The following ERCC6 variants were observed in gnomAD, a reference collection of about 807,000 sequenced individuals.
The protein encoded by ERCC6 is ERCC excision repair 6, chromatin remodeling factor, also known as DNA excision repair protein ERCC-6.
Under a neutral mutation model 158.7 loss-of-function variants are expected in ERCC6, and 116 were observed. The ratio of observed to expected loss-of-function variants is 0.73; its 90% confidence interval spans 0.63 to 0.85. ERCC6 has a LOEUF of 0.85. Ranked by LOEUF, ERCC6 falls within the 40% of genes least tolerant of loss-of-function variation. The pLI is 0.00. For missense variants in ERCC6, 1,698 were observed against 1,799.4 expected (o/e 0.94, Z 1.02); for synonymous variants, 678 against 659.3 (o/e 1.03, Z -0.43).
At chr10:49,498,809 A>C (rs1851308262) in intron 7 of ERCC6, among the ~76,000 whole-genome samples, 1 of 152,190 alleles carries the variant, frequency 6.6e-6, no homozygotes, top group African/African-American at 2.4e-5. Context: ...CTAGGACCTG[A>C]GCACTGGACT....
chr10:49,512,496 T>C (rs559355716), intron 5 of ERCC6, among the ~76,000 whole-genome samples: 2 of 152,360 alleles, frequency 1.3e-5, no homozygotes, highest in Non-Finnish European at 2.9e-5. Flanking sequence ...TTTTTATAGA[T>C]ATTTTATCAT....
At chr10:49,448,231 G>A in the ERCC6 span, among the ~76,000 whole-genome samples, 3 of 152,284 alleles carry the variant, frequency 2.0e-5, no homozygotes, top group African/African-American at 7.2e-5. Context: ...TTATAGTCAT[G>A]CTAGTGACTG....
intron 18 of ERCC6, among the ~76,000 whole-genome samples, chr10:49,463,154 G>A (rs908268598): frequency 2.6e-5 from 4 of 151,970 alleles, no homozygotes; most frequent in African/African-American, 9.7e-5. Flanking sequence ...AGACATCTTG[G>A]GGATGGGCCC....
Position 49,458,656 on chromosome 10 carries a change from G to A in ERCC6, c.*159C>T, listed in dbSNP as rs570875784. The A allele has an allele frequency of 1.7e-4, 122 of 708,940 alleles. No homozygotes were observed. The African/African-American group carries it at 1.8e-3, about 10-fold the overall frequency. 43.9% of individuals were successfully genotyped at this position (708,940 alleles called of 1,614,324 possible). A position where few individuals can be genotyped will look rare whatever the true frequency, so the allele number is the denominator to read the frequency against. On this transcript the variant is annotated 3_prime_UTR_variant, in exon 21 of 21. Coordinates refer to ENST00000355832, the MANE Select transcript of ERCC6 (RefSeq NM_000124.4). ...TAAAACTTTTAACTTTCAGAGAAGA[G>A]TTTCTTCTTCCTTAAAGTTTTAATT...
intron 18 of ERCC6, among the ~76,000 whole-genome samples, chr10:49,468,939 C>T (rs954882660): frequency 2.6e-5 from 4 of 151,704 alleles, no homozygotes; most frequent in Non-Finnish European, 5.9e-5. Flanking sequence ...AAATCTAAGA[C>T]AATACGAGCA....
intron 6 of ERCC6, chr10:49,503,298 G>A (rs1851385842): frequency 6.6e-6 from 1 of 152,106 alleles, no homozygotes; most frequent in Non-Finnish European, 1.5e-5. Context: ...AGCATACAAT[G>A]TGCTGGGTGT....
the ERCC6 span, among the ~76,000 whole-genome samples, chr10:49,447,118 G>A: frequency 6.6e-6 from 1 of 152,002 alleles, no homozygotes; most frequent in Non-Finnish European, 1.5e-5. Flanking sequence ...AAAAATTTAT[G>A]TGGAAAAAAG....
intron 5 of ERCC6, 45 bp from the exon 6 acceptor site, chr10:49,506,057 G>T: frequency 6.2e-7 from 1 of 1,607,944 alleles, no homozygotes; most frequent in Non-Finnish European, 8.5e-7. Context: ...TTGATCACAA[G>T]ACAGATTTAA....
At chr10:49,466,220 A>AG in intron 18 of ERCC6, among the ~76,000 whole-genome samples, 1 of 152,368 alleles carries the variant, frequency 6.6e-6, no homozygotes, top group Admixed American at 6.5e-5. Context: ...AAAGACAAAA[A>AG]GAAATAAAAA....
At chr10:49,520,858 C>T (rs1409630121) in intron 5 of ERCC6, among the ~76,000 whole-genome samples, 1 of 152,194 alleles carries the variant, frequency 6.6e-6, no homozygotes, top group Non-Finnish European at 1.5e-5. Context: ...AAATAATGTG[C>T]CTCCAAAGCA....
chr10:49,503,746 A>C (rs1851393488), intron 6 of ERCC6: 1 of 152,178 alleles, frequency 6.6e-6, no homozygotes, highest in Non-Finnish European at 1.5e-5. Flanking sequence ...CTAGTTTTCA[A>C]AATTTTTGAA....
At chr10:49,537,717 A>AT (rs1837635550) in intron 1 of ERCC6, among the ~76,000 whole-genome samples, 1 of 152,004 alleles carries the variant, frequency 6.6e-6, no homozygotes, top group African/African-American at 2.4e-5. Context: ...CAACGTGTGA[A>AT]ATTTTTTTTT....
intron 18 of ERCC6, 93 bp from the exon 19 acceptor site, chr10:49,461,649 AAAAC>A: frequency 8.0e-7 from 1 of 1,249,506 alleles, no homozygotes; most frequent in Non-Finnish European, 1.1e-6. Context: ...GTAGTAGACA[AAAAC>A]AAAGTGATAG....
chr10:49,520,385 G>A (rs889282390), intron 5 of ERCC6, among the ~76,000 whole-genome samples: 1 of 152,144 alleles, frequency 6.6e-6, no homozygotes, highest in Non-Finnish European at 1.5e-5. Flanking sequence ...AGTAACTGCC[G>A]ATACATGAAA....
intron 4 of ERCC6, among the ~76,000 whole-genome samples, chr10:49,526,117 T>TATATATATATATATA (rs1837326508): frequency 4.6e-5 from 2 of 43,606 alleles, no homozygotes; most frequent in Admixed American, 1.7e-4. Context: ...TTATATATTT[T>TATATATATATATATA]TATATATATA....
intron 7 of ERCC6, among the ~76,000 whole-genome samples, chr10:49,496,009 A>C (rs1026879651): frequency 2.0e-5 from 3 of 152,134 alleles, no homozygotes; most frequent in African/African-American, 7.2e-5. Context: ...ACCTCTGCTC[A>C]TCTCTCCTGC....
rs1590397706 is a variant in ERCC6 at position 49,461,336 on chromosome 10, T to C, written c.3983+16A>G. The C allele has an allele frequency of 6.2e-7, 1 of 1,611,502 alleles. No individual in the cohort carries two copies. The highest frequency in any genetic ancestry group is 8.5e-7 in the Non-Finnish European group (1 of 1,179,142). ...GTTTGGACTCCTTGCAAGTATGGCATGCAGCAATCTCTTACTTTTTTCCTG... is the reference window on the plus strand; with the variant it reads ...GTTTGGACTCCTTGCAAGTATGGCACGCAGCAATCTCTTACTTTTTTCCTG... On this transcript the variant is annotated intron_variant, in intron 19 of 20. Coordinates refer to ENST00000355832, the MANE Select transcript of ERCC6 (RefSeq NM_000124.4).
At chr10:49,452,973 G>A (rs994908329), downstream of ERCC6, among the ~76,000 whole-genome samples, 1 of 151,966 alleles carries the variant, frequency 6.6e-6, no homozygotes, top group Admixed American at 6.5e-5. Context: ...TTATCTATGG[G>A]AGCATAGATA....
chr10:49,524,477 G>A lies in ERCC6; in HGVS notation c.953C>T (p.Ala318Val). The A allele has an allele frequency of 6.2e-7, 1 of 1,614,178 alleles. No individual in the cohort carries two copies. The highest frequency in any genetic ancestry group is 8.5e-7 in the Non-Finnish European group (1 of 1,180,036). The change falls in exon 5 of 21, where the codon GCC (alanine) becomes GTC (valine). Residue 318 changes from alanine (A) to valine (V), a missense_variant. Transcript: ENST00000355832. ...VQNKNKPNKKARVLSKKEERL... is the reference protein window; with the variant it reads ...VQNKNKPNKKVRVLSKKEERL... ...CTCCTCTTTTTTGGACAGAACTCTG[G>A]CTTTCTTGTTTGGTTTGTTTTTATT...
Sources: allele counts gnomAD v4.1 joint callset (sites outside exome capture counted in the v4.1 genomes callset), GRCh38; gene constraint gnomAD v4.1.1; transcripts MANE v1.5; gene names NCBI Gene and HGNC (gene_info 2026-07-23, HGNC 2026-07-21).